Variants in KCTD15 observed in about 807,000 individuals in gnomAD.
The protein encoded by KCTD15 is BTB/POZ domain-containing protein KCTD15.
KCTD15 carries 11 observed loss-of-function variants against 27.2 expected under a neutral mutation model. That is an observed-to-expected ratio of 0.41 (90% CI 0.25 to 0.67). KCTD15 has a LOEUF of 0.67. Among genes scored for constraint, KCTD15 ranks in the 30% least tolerant of loss-of-function variants. KCTD15 has a pLI of 0.35. For synonymous variants in KCTD15, 163 were observed against 176.0 expected (o/e 0.93, Z 0.58); for missense variants, 350 against 409.3 (o/e 0.86, Z 1.25).
chr19:33,800,780 C>T (rs972018388), intron 3 of KCTD15, among the ~76,000 whole-genome samples: 1 of 152,196 alleles, frequency 6.6e-6, no homozygotes, highest in African/African-American at 2.4e-5. Context: ...TTGCAAAAAA[C>T]CCCTGAATCC....
At position 33,811,534 on chromosome 19, in the gene KCTD15, C is replaced by A. The variant is rs1975919093; in HGVS notation, c.675C>A (p.Cys225Ter). The change falls in exon 6 of 7, where the codon TGC becomes TGA. Residue 225 changes from cysteine (C) to a stop codon, truncating the protein, a stop_gained. Coordinates refer to ENST00000683859, the MANE Select transcript of KCTD15 (RefSeq NM_001129994.2). LOFTEE classifies it high-confidence loss of function. ...TCCGCTTCCCGCTCAATGGCTACTG[C>A]CGGCTCAACTCGGTACAGGTGAGGG... is the stretch of plus-strand genomic sequence containing the variant. ...HVIRFPLNGYCRLNSVQVLER... is the reference protein window; with the variant it reads ...HVIRFPLNGY 1 of 1,606,776 alleles carries A rather than the reference C, an allele frequency of 6.2e-7. No homozygotes were observed. Among genetic ancestry groups the A allele is most frequent in the Non-Finnish European group, 8.5e-7 (1 of 1,175,610 alleles).
chr19:33,809,112 CTT>C (rs2054342567), intron 5 of KCTD15, among the ~76,000 whole-genome samples: 2 of 151,920 alleles, frequency 1.3e-5, no homozygotes, highest in African/African-American at 4.8e-5. Flanking sequence ...CCCCATCTCT[CTT>C]AAAAATACAA....
At chr19:33,810,708 A>AC (rs1568382486) in intron 5 of KCTD15, among the ~76,000 whole-genome samples, 1 of 151,666 alleles carries the variant, frequency 6.6e-6, no homozygotes, top group African/African-American at 2.4e-5. Flanking sequence ...CGAAAAAAAA[A>AC]CCAAGAGGCT....
chr19:33,798,235 C>T (rs1263353752), intron 1 of KCTD15: 1 of 152,066 alleles, frequency 6.6e-6, no homozygotes, highest in African/African-American at 2.4e-5. Flanking sequence ...GAGGCGCCTT[C>T]TGTTTACCTT....
At chr19:33,804,826 CTG>C (rs1975664756) in intron 4 of KCTD15, among the ~76,000 whole-genome samples, 1 of 152,190 alleles carries the variant, frequency 6.6e-6, no homozygotes, top group Non-Finnish European at 1.5e-5. Context: ...CTTTGGAGCT[CTG>C]AGATGAGTTG....
chr19:33,810,679 A>AAC (rs1199351214), intron 5 of KCTD15, among the ~76,000 whole-genome samples: 6 of 136,250 alleles, frequency 4.4e-5, no homozygotes, highest in South Asian at 2.2e-4. Context: ...CAAAAACAAA[A>AAC]AAAAAAAACA....
intron 4 of KCTD15, chr19:33,801,563 G>C (rs966655327): frequency 2.5e-5 from 11 of 439,938 alleles, no homozygotes; most frequent in Non-Finnish European, 4.4e-5. Flanking sequence ...TGGCGGCATT[G>C]GTAGTGCAAG....
At chr19:33,807,071 T>C in intron 5 of KCTD15, 64 bp downstream of exon 5, 2 of 1,534,000 alleles carry the variant, frequency 1.3e-6, no homozygotes, top group Non-Finnish European at 1.8e-6. Context: ...GGGGACGCTG[T>C]GACTTAATAA....
chr19:33,807,035 CA>C (rs770912083), intron 5 of KCTD15, 28 bp downstream of exon 5: 1 of 1,609,848 alleles, frequency 6.2e-7, no homozygotes, highest in South Asian at 1.1e-5. Flanking sequence ...GGCCCCCCTG[CA>C]CTGCCTGTGT....
At chr19:33,795,708 G>A (rs910442305), upstream of KCTD15, among the ~76,000 whole-genome samples, 10 of 152,140 alleles carry the variant, frequency 6.6e-5, no homozygotes, top group African/African-American at 9.7e-5. Context: ...AGGAGGAGTG[G>A]GAGTGGGAGA....
At chr19:33,798,206 G>A (rs796639651) in intron 1 of KCTD15, 9 of 152,338 alleles carry the variant, frequency 5.9e-5, no homozygotes, top group African/African-American at 1.9e-4. Context: ...CCCTGAGTGC[G>A]GAGCCGAGGG....
chr19:33,807,302 C>T (rs1006345441), intron 5 of KCTD15, among the ~76,000 whole-genome samples: 5 of 152,214 alleles, frequency 3.3e-5, no homozygotes, highest in African/African-American at 1.2e-4. Context: ...AAATCTGTTC[C>T]ATCGGCTGGG....
At chr19:33,802,606 G>A (rs1400966890) in intron 4 of KCTD15, among the ~76,000 whole-genome samples, 1 of 152,082 alleles carries the variant, frequency 6.6e-6, no homozygotes, top group Non-Finnish European at 1.5e-5. Flanking sequence ...GGGCCCTGTG[G>A]CCTTGGGGCT....
chr19:33,795,209 TCC>T, upstream of KCTD15, among the ~76,000 whole-genome samples: 1 of 152,172 alleles, frequency 6.6e-6, no homozygotes, highest in Non-Finnish European at 1.5e-5. Context: ...TGAGAAAATT[TCC>T]CCCTTTTTCC....
At chr19:33,811,590 CG>C (rs1444179314) in intron 6 of KCTD15, 38 bp downstream of exon 6, 2 of 1,571,542 alleles carry the variant, frequency 1.3e-6, no homozygotes, top group Non-Finnish European at 1.7e-6. Context: ...GCCGCACCCC[CG>C]GCGTCCGCGG....
intron 4 of KCTD15, among the ~76,000 whole-genome samples, chr19:33,803,295 A>G (rs796711657): frequency 9.8e-5 from 15 of 152,376 alleles, no homozygotes; most frequent in African/African-American, 2.9e-4. Context: ...TGTGCTGGCA[A>G]GAGCCCCTCA....
Position 33,801,322 on chromosome 19 carries a change from C to T in KCTD15, c.222C>T (p.Leu74=). The T allele has an allele frequency of 6.2e-7, 1 of 1,611,256 alleles. No individual in the cohort carries two copies. The highest frequency in any genetic ancestry group is 8.5e-7 in the Non-Finnish European group (1 of 1,178,658). ...GHMYTSSLAT[L]TKYPDSRISR... ...TGTACACCAGCAGCCTGGCCACGCT[C>T]ACCAAGTACCCTGACTCCAGGTAAG... Residue 74 remains leucine (L), a synonymous_variant, in exon 4 of 7, where the codon CTC becomes CTT. Coordinates refer to ENST00000683859, the MANE Select transcript of KCTD15 (RefSeq NM_001129994.2).
At position 33,806,862 on chromosome 19, in the gene KCTD15, G is replaced by A. The variant is rs1259926738; in HGVS notation, c.243-1G>A. ...CATCCCACCTCGCCTGTCTCTCCCA[G>A]GATAAGCCGCCTCTTCAATGGCACT... On this transcript the variant is annotated splice_acceptor_variant, in intron 4 of 6. Transcript: ENST00000683859. LOFTEE classifies it high-confidence loss of function. 6.2e-7 allele frequency: 1 copy of A among 1,613,670 alleles called. No individual in the cohort carries two copies. The highest frequency in any genetic ancestry group is 1.7e-5 in the Admixed American group (1 of 59,954).
At chr19:33,800,355 T>A in intron 2 of KCTD15, 73 bp from the exon 3 acceptor site, 1 of 1,248,290 alleles carries the variant, frequency 8.0e-7, no homozygotes, top group Non-Finnish European at 1.1e-6. Context: ...AGGACAATTC[T>A]AAGTGTCTTT....
Sources: allele counts gnomAD v4.1 joint callset (sites outside exome capture counted in the v4.1 genomes callset), GRCh38; gene constraint gnomAD v4.1.1; transcripts MANE v1.5; gene names NCBI Gene and HGNC (gene_info 2026-07-23, HGNC 2026-07-21).